Variants in NPAS3 observed in about 807,000 individuals in gnomAD.
NPAS3 encodes the protein neuronal PAS domain-containing protein 3.
In NPAS3, 14 loss-of-function variants were observed where a neutral mutation model predicts 73.1. The observed-to-expected ratio is 0.19, with a 90% CI of 0.13 to 0.30. The LOEUF (loss-of-function observed/expected upper bound fraction) is 0.30, where lower values mean the gene tolerates loss of function less well. Among genes scored for constraint, NPAS3 ranks in the 10% least tolerant of loss-of-function variants. The probability of loss-of-function intolerance (pLI) is 1.00; values close to 1 mark genes in which losing one functional copy is unlikely to be tolerated. For missense variants in NPAS3, 1,096 were observed against 1,250.0 expected (o/e 0.88, Z 1.86); for synonymous variants, 620 against 541.5 (o/e 1.14, Z -2.01).
At chr14:33,233,056 C>G (rs911648439) in intron 3 of NPAS3, among the ~76,000 whole-genome samples, 8 of 152,140 alleles carry the variant, frequency 5.3e-5, no homozygotes, top group Admixed American at 6.5e-5. Context: ...TTGCAGAGAA[C>G]TAGAACTAAT....
intron 1 of NPAS3, among the ~76,000 whole-genome samples, chr14:33,024,140 A>ATGTG (rs1266387755): frequency 7.4e-4 from 82 of 110,996 alleles, no homozygotes; most frequent in African/African-American, 3.1e-3. Flanking sequence ...GTGTGTGTGT[A>ATGTG]TATGTGTGTG....
intron 3 of NPAS3, among the ~76,000 whole-genome samples, chr14:33,258,546 A>G (rs548298877): frequency 1.3e-5 from 2 of 152,338 alleles, no homozygotes; most frequent in African/African-American, 4.8e-5. Context: ...AGGTGGGGCT[A>G]TGGAAAGCTG....
At chr14:33,670,298 T>TTCTA (rs1183351974) in intron 5 of NPAS3, among the ~76,000 whole-genome samples, 1 of 152,228 alleles carries the variant, frequency 6.6e-6, no homozygotes, top group Admixed American at 6.5e-5. Context: ...GGATTTTTCA[T>TTCTA]TCTATCTCAT....
chr14:33,369,425 A>C (rs1009928700), intron 4 of NPAS3, among the ~76,000 whole-genome samples: 84 of 150,056 alleles, frequency 5.6e-4, no homozygotes, highest in Admixed American at 1.2e-3. Context: ...AAAAAAAAAA[A>C]AAGGATTAAA....
At chr14:33,756,446 A>G (rs1204015450) in intron 7 of NPAS3, among the ~76,000 whole-genome samples, 1 of 152,230 alleles carries the variant, frequency 6.6e-6, no homozygotes. Context: ...AACCAGACAG[A>G]TTGAGACTGC....
rs2055566212 is a variant in NPAS3 at position 33,560,062 on chromosome 14, T to G, written c.469-59T>G. 2.2e-5 allele frequency: 16 copies of G among 715,218 alleles called. 1 individual carries two copies. In the South Asian group the frequency reaches 3.0e-4, roughly 13 times the overall value. 44.3% of individuals were successfully genotyped at this position (715,218 alleles called of 1,614,324 possible). ...TGCTTTTTCTCAGTTGCCTTACTAA[T>G]TAAATCTGCATCCTTTGTATTTATT... is the stretch of plus-strand genomic sequence containing the variant. On this transcript the variant is annotated intron_variant, in intron 4 of 11. Transcript: ENST00000356141.
At chr14:33,294,747 G>T (rs192176682) in intron 3 of NPAS3, among the ~76,000 whole-genome samples, 2 of 152,284 alleles carry the variant, frequency 1.3e-5, no homozygotes, top group East Asian at 3.9e-4. Context: ...TGTATTCATT[G>T]AATAAAGGAG....
At chr14:33,079,157 C>T (rs1053252496) in intron 2 of NPAS3, among the ~76,000 whole-genome samples, 5 of 152,016 alleles carry the variant, frequency 3.3e-5, no homozygotes, top group Admixed American at 1.3e-4. Context: ...ATTTTCAGTA[C>T]CATTTTTCAT....
chr14:33,239,532 C>A (rs1490131654), intron 3 of NPAS3, among the ~76,000 whole-genome samples: 1 of 151,762 alleles, frequency 6.6e-6, no homozygotes, highest in Admixed American at 6.6e-5. Context: ...CCATCAGTAC[C>A]AGGAAGAAAG....
At chr14:33,543,975 ATATATATATATATATATATATATAT>A (rs2054646174) in intron 4 of NPAS3, among the ~76,000 whole-genome samples, 1 of 34,708 alleles carries the variant, frequency 2.9e-5, no homozygotes, top group African/African-American at 2.4e-4. Context: ...ATATATATAT[ATATATATATATATATATATATATAT>A]ATCTATATCA....
intron 1 of NPAS3, among the ~76,000 whole-genome samples, chr14:33,034,062 C>A (rs2040083411): frequency 1.3e-5 from 2 of 151,970 alleles, no homozygotes; most frequent in Admixed American, 1.3e-4. Flanking sequence ...TTAATCACTG[C>A]ATTTTTATGT....
intron 4 of NPAS3, among the ~76,000 whole-genome samples, chr14:33,406,556 T>A (rs2047677518): frequency 6.6e-6 from 1 of 152,134 alleles, no homozygotes; most frequent in South Asian, 2.1e-4. Context: ...CTGGACCAGC[T>A]GTTTTTCTTC....
At chr14:33,734,203 T>A (rs1023647830) in intron 6 of NPAS3, among the ~76,000 whole-genome samples, 2 of 152,216 alleles carry the variant, frequency 1.3e-5, no homozygotes, top group African/African-American at 2.4e-5. Context: ...GGACAATTTT[T>A]TTTTTACTTT....
intron 4 of NPAS3, among the ~76,000 whole-genome samples, chr14:33,436,402 T>G (rs1435840801): frequency 6.6e-6 from 1 of 152,198 alleles, no homozygotes; most frequent in Non-Finnish European, 1.5e-5. Context: ...TTAAACCTTT[T>G]GACGTTAATA....
intron 7 of NPAS3, among the ~76,000 whole-genome samples, chr14:33,742,786 C>A (rs891484616): frequency 6.6e-6 from 1 of 152,172 alleles, no homozygotes; most frequent in African/African-American, 2.4e-5. Context: ...GCTTTTCAAA[C>A]CCTTATCAAT....
chr14:33,697,366 T>C (rs1172702262), intron 6 of NPAS3, among the ~76,000 whole-genome samples: 2 of 152,220 alleles, frequency 1.3e-5, no homozygotes, highest in African/African-American at 4.8e-5. Context: ...TTGGCAGAAC[T>C]TTTGTTCTTG....
At chr14:33,462,870 C>T (rs556126065) in intron 4 of NPAS3, among the ~76,000 whole-genome samples, 1 of 152,252 alleles carries the variant, frequency 6.6e-6, no homozygotes, top group South Asian at 2.1e-4. Flanking sequence ...CACTGGTTAT[C>T]TTATTGAGCT....
chr14:33,292,662 A>C (rs1015015007), intron 3 of NPAS3, among the ~76,000 whole-genome samples: 1 of 152,154 alleles, frequency 6.6e-6, no homozygotes, highest in Admixed American at 6.6e-5. Context: ...AAGACGACTT[A>C]CCCAAAAACA....
intron 3 of NPAS3, among the ~76,000 whole-genome samples, chr14:33,280,676 T>C (rs930094640): frequency 4.6e-5 from 7 of 152,170 alleles, no homozygotes; most frequent in Non-Finnish European, 7.3e-5. Flanking sequence ...GCCAATAATA[T>C]GTTGTCAAGA....
Sources: allele counts gnomAD v4.1 joint callset (sites outside exome capture counted in the v4.1 genomes callset), GRCh38; gene constraint gnomAD v4.1.1; transcripts MANE v1.5; gene names NCBI Gene and HGNC (gene_info 2026-07-23, HGNC 2026-07-21).